The following HSPG2 variants were observed in gnomAD, a reference collection of about 807,000 sequenced individuals.
HSPG2 encodes the protein basement membrane-specific heparan sulfate proteoglycan core protein.
A neutral mutation model predicts 526.6 loss-of-function variants in HSPG2; 278 were observed. The observed-to-expected ratio is 0.53, with a 90% CI of 0.48 to 0.58. The LOEUF (loss-of-function observed/expected upper bound fraction) is 0.58, where lower values mean the gene tolerates loss of function less well. HSPG2 is among the 20% of genes least tolerant of loss of function. The probability of loss-of-function intolerance (pLI) is 0.00; values close to 1 mark genes in which losing one functional copy is unlikely to be tolerated. For missense variants in HSPG2, 5,354 were observed against 6,099.5 expected (o/e 0.88, Z 4.07); for synonymous variants, 2,465 against 2,555.4 (o/e 0.96, Z 1.07).
intron 91 of HSPG2, among the ~76,000 whole-genome samples, chr1:21,827,541 T>C (rs2097981724): frequency 6.6e-6 from 1 of 152,242 alleles, no homozygotes. Context: ...GGTGGAATTC[T>C]TGGGAATGAG....
intron 1 of HSPG2, among the ~76,000 whole-genome samples, chr1:21,916,545 T>C (rs561321100): frequency 3.3e-5 from 5 of 150,460 alleles, no homozygotes; most frequent in Admixed American, 3.3e-4. Flanking sequence ...ACAAAAAAAA[T>C]TGCCAGTGTG....
chr1:21,917,482 TAA>T lies in HSPG2; in HGVS notation c.63+19671_63+19672del, dbSNP rs1026445786. Among the ~76,000 whole-genome samples the T allele has an allele frequency of 3.7e-5, 5 of 135,032 alleles. No individual in the cohort carries two copies. In the East Asian group the frequency reaches 9.4e-4, roughly 25 times the overall value. 88.6% of individuals were successfully genotyped at this position (135,032 alleles called of 152,430 possible). On this transcript the variant is annotated intron_variant, in intron 1 of 96. Coordinates refer to ENST00000374695, the MANE Select transcript of HSPG2 (RefSeq NM_005529.7). ...ATAAATAAATAAATAAATAAATAAA[TAA>T]AAATAAAAGACAGGGCAGAATGGGG...
In HSPG2 at chr1:21,893,012, C is replaced by A. The variant is rs1203860165; in HGVS notation, c.245-2318G>T. Among the ~76,000 whole-genome samples, 1 of 152,128 alleles carries A rather than the reference C, an allele frequency of 6.6e-6. No individual in the cohort carries two copies. The highest frequency in any genetic ancestry group is 1.5e-5 in the Non-Finnish European group (1 of 68,020). ...CTCCTCTCACCCTATCTGGTGAGTT[C>A]CCTTGGAGCCAGAGGCCGGGAGAGG... is the stretch of plus-strand genomic sequence containing the variant. On this transcript the variant is annotated intron_variant, in intron 3 of 96. Transcript: ENST00000374695. The surrounding 1 kb of genome is among the most constrained non-coding windows in gnomAD (Gnocchi z 4.3).
intron 1 of HSPG2, among the ~76,000 whole-genome samples, chr1:21,926,169 G>A (rs1644185674): frequency 6.6e-6 from 1 of 152,160 alleles, no homozygotes; most frequent in African/African-American, 2.4e-5. Flanking sequence ...GCAAAATGGA[G>A]ATATAATGCC....
chr1:21,913,107 G>T (rs1216087749), intron 1 of HSPG2, among the ~76,000 whole-genome samples: 1 of 152,172 alleles, frequency 6.6e-6, no homozygotes, highest in Non-Finnish European at 1.5e-5. Flanking sequence ...CCAGCCTCTT[G>T]GTTCCTAACA....
chr1:21,936,150 A>T (rs1048029533), intron 1 of HSPG2, among the ~76,000 whole-genome samples: 52 of 152,156 alleles, frequency 3.4e-4, no homozygotes, highest in African/African-American at 1.3e-3. Flanking sequence ...TCCCCACGGT[A>T]GGCTCGGCTC....
At chr1:21,927,331 T>C (rs1644226072) in intron 1 of HSPG2, among the ~76,000 whole-genome samples, 1 of 151,974 alleles carries the variant, frequency 6.6e-6, no homozygotes, top group South Asian at 2.1e-4. Context: ...TGGGGTGAGA[T>C]CCCCAGGCCT....
chr1:21,885,335 C>G lies in HSPG2; in HGVS notation c.1195G>C (p.Asp399His). 1.2e-6 allele frequency: 2 copies of G among 1,614,044 alleles called. No homozygotes were observed. The highest frequency in any genetic ancestry group is 1.7e-6 in the Non-Finnish European group (2 of 1,179,986). ...DEESDCPDRS[D>H]EFGCMPPQVV... is the part of the protein sequence containing the mutation. ...CCCTGCTCACTGCAGCCAAACTCGT[C>G]GCTCCGGTCAGGACAGTCGCTCTCC... The change falls in exon 10 of 97, where the codon GAC (aspartate) becomes CAC (histidine). Residue 399 changes from aspartate to histidine, a missense_variant. Asp to His is a moderately conservative substitution (Grantham distance 81). Transcript: ENST00000374695.
intron 37 of HSPG2, among the ~76,000 whole-genome samples, chr1:21,863,392 A>C (rs1195012631): frequency 6.6e-6 from 1 of 152,052 alleles, no homozygotes. Flanking sequence ...GAAAAAGAAA[A>C]GAAAAAGAAA....
Position 21,876,384 on chromosome 1 carries a change from G to A in HSPG2, c.2848C>T (p.Pro950Ser). The change falls in exon 23 of 97, where the codon CCT becomes TCT. Residue 950 changes from proline (P) to serine (S), a missense_variant. By Grantham distance (74) the Pro-to-Ser change is moderately conservative. Coordinates refer to ENST00000374695, the MANE Select transcript of HSPG2 (RefSeq NM_005529.7). The part of the protein sequence containing the change: ...RAQLHGASEE[P>S]GHFSLTNAAS... ...GCGTTGGTCAGGCTGAAGTGACCAG[G>A]CTCCTCAGAGGCCCCATGCAACTGG... 2 of 1,611,418 alleles carry A rather than the reference G, an allele frequency of 1.2e-6. No individual in the cohort carries two copies. Among genetic ancestry groups the A allele is most frequent in the South Asian group, 2.2e-5 (2 of 90,542 alleles).
At chr1:21,888,250 A>G (rs1021281735) in intron 6 of HSPG2, among the ~76,000 whole-genome samples, 184 bp from the exon 7 acceptor site, 5 of 152,354 alleles carry the variant, frequency 3.3e-5, no homozygotes, top group Non-Finnish European at 5.9e-5. Context: ...GGCATGGGAC[A>G]TGCGGCAGTG....
At chr1:21,862,418 A>G (rs569031843) in intron 37 of HSPG2, among the ~76,000 whole-genome samples, 2 of 152,056 alleles carry the variant, frequency 1.3e-5, no homozygotes, top group African/African-American at 4.8e-5. Context: ...CCCCATCTCT[A>G]CTAACAAATA....
Position 21,862,306 on chromosome 1 carries a change from G to A in HSPG2, c.4741-191C>T, listed in dbSNP as rs561432120. On this transcript the variant is annotated intron_variant, in intron 37 of 96. Coordinates refer to ENST00000374695, the MANE Select transcript of HSPG2 (RefSeq NM_005529.7). ...GTGTTTATAAAAAGCAAAATGGGCT[G>A]GGCACAGTGACTCATGCCTGTAATC... Among the ~76,000 whole-genome samples the A allele has an allele frequency of 1.6e-4, 25 of 152,318 alleles. 2 individuals are homozygous for A. The East Asian group carries it at 4.0e-3, about 25-fold the overall frequency.
rs1572252482 is a variant in HSPG2, at chr1:21,858,244, T to C, written c.5294-859A>G. 6.6e-6 allele frequency among the ~76,000 whole-genome samples: 1 copy of C among 152,142 alleles called. No individual in the cohort carries two copies. The highest frequency in any genetic ancestry group is 2.4e-5 in the African/African-American group (1 of 41,358). On this transcript the variant is annotated intron_variant, in intron 42 of 96. Coordinates refer to ENST00000374695, the MANE Select transcript of HSPG2 (RefSeq NM_005529.7). This position sits in a 1 kb window ranked among gnomAD's most constrained non-coding sequence, Gnocchi z 4.2. ...TCCAAGGGCTATTTCTCTGCCCTTA[T>C]GTGACTTCCCAGCAGGGAGGCTGCC...
Position 21,824,793 on chromosome 1 carries a change from G to A in HSPG2, c.12590-14C>T, listed in dbSNP as rs758308822. The stretch of plus-strand genomic sequence containing the variant: ...GCCCAGGGGCATCTGTGGGAGAGAG[G>A]AGGGTGGTGCCATACCTGCTGCATC... On this transcript the variant is annotated splice_polypyrimidine_tract_variant and intron_variant, in intron 91 of 96. Transcript: ENST00000374695. This position sits in a 1 kb window ranked among gnomAD's most constrained non-coding sequence, Gnocchi z 5.9. The A allele has an allele frequency of 1.6e-5, 25 of 1,608,022 alleles. No homozygotes were observed. The highest frequency in any genetic ancestry group is 4.0e-5 in the African/African-American group (3 of 74,800).
chr1:21,902,646 C>T (rs561500836), intron 1 of HSPG2, among the ~76,000 whole-genome samples: 228 of 152,330 alleles, frequency 1.5e-3, no homozygotes, highest in Middle Eastern at 3.4e-3. Context: ...CAGGGCCCTG[C>T]TTCTGACCTC....
In HSPG2 at chr1:21,909,087, G is replaced by A. The variant is rs149260974; in HGVS notation, c.64-12777C>T. Reference sequence around the variant, plus strand: ...GGCGCCATTGCACTCCAGCCTGGGCGACAGAGTGAGACTCCATCTCAAAAA... The same window carrying A: ...GGCGCCATTGCACTCCAGCCTGGGCAACAGAGTGAGACTCCATCTCAAAAA... On this transcript the variant is annotated intron_variant, in intron 1 of 96. Transcript: ENST00000374695. Among the ~76,000 whole-genome samples, 671 of 152,270 alleles carry A rather than the reference G, an allele frequency of 4.4e-3. 6 individuals are homozygous for A. The highest frequency in any genetic ancestry group is 0.015 in the African/African-American group (622 of 41,550).
rs5772964 is a variant in HSPG2, at chr1:21,867,074, C to CTT, written c.4222-1267_4222-1266dup. The stretch of plus-strand genomic sequence containing the variant: ...AAAAATTTTTTATTTTTTTTTTCAC[C>CTT]TTTTTTTTTTAAATAGAGATGGGGT... On this transcript the variant is annotated intron_variant, in intron 33 of 96. Transcript: ENST00000374695. Among the ~76,000 whole-genome samples, 1,161 of 134,688 alleles carry CTT rather than the reference C, an allele frequency of 8.6e-3. 24 individuals are homozygous for CTT. The highest frequency in any genetic ancestry group is 0.026 in the African/African-American group (920 of 35,442). The allele number at this position is 134,688 out of a possible 152,430, so 88.4% of individuals were successfully genotyped here. A position where few individuals can be genotyped will look rare whatever the true frequency, so the allele number is the denominator to read the frequency against.
At chr1:21,876,711 G>A in intron 21 of HSPG2, 59 bp from the exon 22 acceptor site, 4 of 1,609,010 alleles carry the variant, frequency 2.5e-6, no homozygotes, top group South Asian at 2.2e-5. Flanking sequence ...CTGGAGCTCT[G>A]GCCGAATCCA....
Sources: allele counts gnomAD v4.1 joint callset (sites outside exome capture counted in the v4.1 genomes callset), GRCh38; gene constraint gnomAD v4.1.1; non-coding constraint Gnocchi (gnomAD v3.1); transcripts MANE v1.5; gene names NCBI Gene and HGNC (gene_info 2026-07-23, HGNC 2026-07-21).